The following ZBBX variants were observed in gnomAD, a reference collection of about 807,000 sequenced individuals.
The protein encoded by ZBBX is zinc finger B-box domain containing.
A neutral mutation model predicts 108.5 loss-of-function variants in ZBBX; 101 were observed. The observed-to-expected ratio is 0.93, with a 90% CI of 0.79 to 1.10. ZBBX has a LOEUF of 1.10. Ranked by LOEUF, ZBBX falls within the 50% of genes least tolerant of loss-of-function variation. The pLI, the probability that ZBBX is intolerant of heterozygous loss-of-function variation, is 0.00. For missense variants in ZBBX, 1,009 were observed against 941.4 expected (o/e 1.07, Z -0.94); for synonymous variants, 356 against 323.4 (o/e 1.10, Z -1.08).
At chr3:167,347,938 C>A (rs544039730) in intron 9 of ZBBX, among the ~76,000 whole-genome samples, 2 of 151,888 alleles carry the variant, frequency 1.3e-5, no homozygotes, top group African/African-American at 2.4e-5. Context: ...TTGAAGAAAC[C>A]TTTAAAAGAA....
At chr3:167,241,267 T>C (rs1019109452) in intron 21 of ZBBX, among the ~76,000 whole-genome samples, 41 of 152,184 alleles carry the variant, frequency 2.7e-4, no homozygotes, top group African/African-American at 9.4e-4. Flanking sequence ...GGCTGTTTAA[T>C]AGAATCCCAG....
At position 167,316,988 on chromosome 3, in the gene ZBBX, T is replaced by G; in HGVS notation, c.1194+17A>C. On this transcript the variant is annotated intron_variant, in intron 14 of 21. Transcript: ENST00000675490. ...TGTTAAAAATCATGAATGGTCATTATGCACTTATGCACTTACATCATCCAG... is the reference window on the plus strand; with the variant it reads ...TGTTAAAAATCATGAATGGTCATTAGGCACTTATGCACTTACATCATCCAG... The G allele has an allele frequency of 6.9e-7, 1 of 1,446,024 alleles. No homozygotes were observed. 89.6% of individuals were successfully genotyped at this position (1,446,024 alleles called of 1,614,324 possible).
At chr3:167,399,326 T>A (rs1319274700) in intron 1 of ZBBX, among the ~76,000 whole-genome samples, 1 of 152,134 alleles carries the variant, frequency 6.6e-6, no homozygotes, top group African/African-American at 2.4e-5. Context: ...AACTACTAAG[T>A]ACAAGCCCAG....
chr3:167,248,459 TCCTC>T, intron 20 of ZBBX: 3 of 269,274 alleles, frequency 1.1e-5, no homozygotes, highest in South Asian at 3.7e-5. Context: ...TTTTTTTTTT[TCCTC>T]TTCTAAGTGA....
At chr3:167,222,753 T>A in the ZBBX span, among the ~76,000 whole-genome samples, 11 of 151,728 alleles carry the variant, frequency 7.2e-5, no homozygotes, top group Admixed American at 5.9e-4. Context: ...ACATAAAAAA[T>A]TTTAGAAAAG....
rs769758375 is a variant in ZBBX, at chr3:167,294,739, A to G, written c.1879+3566T>C. 2.2e-4 allele frequency among the ~76,000 whole-genome samples: 33 copies of G among 152,338 alleles called. No homozygotes were observed. In the Middle Eastern group the frequency reaches 0.01, roughly 47 times the overall value. Reference sequence around the variant, plus strand: ...GGGCTTCTGCACAGCAAAAGAAACTATCATCAGAGTGAACAGACAACCTAC... The same window carrying G: ...GGGCTTCTGCACAGCAAAAGAAACTGTCATCAGAGTGAACAGACAACCTAC... On this transcript the variant is annotated intron_variant, in intron 18 of 21. Coordinates refer to ENST00000675490, the MANE Select transcript of ZBBX (RefSeq NM_001199201.2).
At position 167,329,018 on chromosome 3, in the gene ZBBX, C is replaced by T. The variant is rs75253990; in HGVS notation, c.688-902G>A. On this transcript the variant is annotated intron_variant, in intron 10 of 21. Transcript: ENST00000675490. ...TTTTTTCTTAGTGCCAAGACCTGTG[C>T]CTGGCACAAAGTAGGTGTTCATTAA... 2.6e-3 allele frequency among the ~76,000 whole-genome samples: 395 copies of T among 152,208 alleles called. 2 individuals are homozygous for T. The highest frequency in any genetic ancestry group is 9.1e-3 in the African/African-American group (377 of 41,530).
intron 10 of ZBBX, among the ~76,000 whole-genome samples, chr3:167,332,155 C>G (rs998666777): frequency 1.3e-5 from 2 of 152,086 alleles, no homozygotes; most frequent in Non-Finnish European, 2.9e-5. Flanking sequence ...AGGAGCACTG[C>G]TCTTTGGCAC....
In ZBBX at chr3:167,321,653, C is replaced by T. The variant is rs139477650; in HGVS notation, c.983+464G>A. On this transcript the variant is annotated intron_variant, in intron 12 of 21. Transcript: ENST00000675490. ...CGAAAAAATAACCCATATTTTGCCA[C>T]AGTTTCTAGCTGATTGTATCTGGTG... 1.5e-3 allele frequency among the ~76,000 whole-genome samples: 232 copies of T among 152,086 alleles called. 1 individual carries two copies. Among genetic ancestry groups the T allele is most frequent in the African/African-American group, 5.1e-3 (213 of 41,502 alleles).
intron 4 of ZBBX, 75 bp from the exon 5 acceptor site, chr3:167,368,649 G>C (rs550469843): frequency 1.3e-5 from 17 of 1,345,848 alleles, no homozygotes; most frequent in Middle Eastern, 2.1e-4. Context: ...ATCTTTTCCT[G>C]TTAAATTAGA....
At chr3:167,311,627 C>T (rs1734597003) in intron 16 of ZBBX, among the ~76,000 whole-genome samples, 1 of 151,964 alleles carries the variant, frequency 6.6e-6, no homozygotes, top group Non-Finnish European at 1.5e-5. Context: ...TAGCTAAAAA[C>T]CTGAACAGAT....
intron 20 of ZBBX, among the ~76,000 whole-genome samples, chr3:167,264,174 T>G (rs1352304554): frequency 6.6e-6 from 1 of 152,102 alleles, no homozygotes; most frequent in Non-Finnish European, 1.5e-5. Context: ...CCATTCTGTC[T>G]TTTAATTGGA....
intron 16 of ZBBX, among the ~76,000 whole-genome samples, chr3:167,313,315 G>A (rs558865729): frequency 4.6e-5 from 7 of 152,056 alleles, no homozygotes; most frequent in Admixed American, 2.0e-4. Context: ...TGCTCTTGTC[G>A]CCTAGGCTGG....
At chr3:167,396,668 A>C (rs987306489) in intron 1 of ZBBX, among the ~76,000 whole-genome samples, 2 of 152,082 alleles carry the variant, frequency 1.3e-5, no homozygotes, top group Non-Finnish European at 2.9e-5. Flanking sequence ...AAGTAAAAAT[A>C]AACTTCTAAA....
intron 1 of ZBBX, among the ~76,000 whole-genome samples, chr3:167,397,279 T>A (rs1229816766): frequency 1.3e-5 from 2 of 151,816 alleles, no homozygotes; most frequent in African/African-American, 2.4e-5. Context: ...CTTGCTACGT[T>A]TTGTTTGAAT....
chr3:167,403,413 T>C (rs536066954), intron 1 of ZBBX, among the ~76,000 whole-genome samples: 46 of 152,264 alleles, frequency 3.0e-4, no homozygotes, highest in African/African-American at 1.1e-3. Flanking sequence ...CCATCATATC[T>C]GCACTATAAG....
At chr3:167,228,989 T>C in the ZBBX span, among the ~76,000 whole-genome samples, 1 of 151,798 alleles carries the variant, frequency 6.6e-6, no homozygotes, top group South Asian at 2.1e-4. Context: ...CCTGCTCCTA[T>C]AGAACAGAAT....
chr3:167,264,921 A>G (rs1725211315), intron 20 of ZBBX, among the ~76,000 whole-genome samples: 1 of 152,146 alleles, frequency 6.6e-6, no homozygotes, highest in Non-Finnish European at 1.5e-5. Flanking sequence ...GGGCTCTTCC[A>G]TCGGCTTATG....
chr3:167,373,659 C>T (rs139527193), intron 3 of ZBBX, 47 bp downstream of exon 3: 1 of 152,108 alleles, frequency 6.6e-6, no homozygotes, highest in African/African-American at 2.4e-5. Context: ...AGCTAGATAA[C>T]AGAAAATGTT....
Sources: allele counts gnomAD v4.1 joint callset (sites outside exome capture counted in the v4.1 genomes callset), GRCh38; gene constraint gnomAD v4.1.1; transcripts MANE v1.5; gene names NCBI Gene and HGNC (gene_info 2026-07-23, HGNC 2026-07-21).